The following PRKX variants were observed in gnomAD, a reference collection of about 807,000 sequenced individuals.
PRKX encodes cAMP-dependent protein kinase catalytic subunit PRKX.
A neutral mutation model predicts 22.0 loss-of-function variants in PRKX; 12 were observed. That is an observed-to-expected ratio of 0.54 (90% CI 0.35 to 0.88). The LOEUF is 0.88. Ranked by LOEUF, PRKX falls within the 40% of genes least tolerant of loss-of-function variation. PRKX has a pLI of 0.01. For synonymous variants in PRKX, 134 were observed against 137.7 expected, an observed-to-expected ratio of 0.97 and a Z score of 0.19; for missense variants, 217 against 308.0, an observed-to-expected ratio of 0.70 and a Z score of 2.21.
rs761643511 is a variant in PRKX, at chrX:3,615,011, AT to A, written c.951+803del. ...TATTATACATTGAAAAAAATGCCAG[AT>A]TTTTTTTTTTTTTTTTTTTTTTTTG... is the stretch of plus-strand genomic sequence containing the variant. On this transcript the variant is annotated intron_variant, in intron 7 of 8. Transcript: ENST00000262848. Among the ~76,000 whole-genome samples, 116 of 59,733 alleles carry A rather than the reference AT, an allele frequency of 1.9e-3. No individual in the cohort carries two copies. The Middle Eastern group carries it at 0.058, about 30-fold the overall frequency. The allele number at this position is 59,733 out of a possible 115,157, so 51.9% of individuals were successfully genotyped here. A position where few individuals can be genotyped will look rare whatever the true frequency, so the allele number is the denominator to read the frequency against.
intron 1 of PRKX, among the ~76,000 whole-genome samples, chrX:3,708,944 T>G (rs1449192160): frequency 3.7e-5 from 4 of 108,960 alleles, no homozygotes; most frequent in African/African-American, 1.3e-4. Context: ...AGCTGCCAAA[T>G]CCACACACTG....
chrX:3,710,882 A>G (rs1928775859), intron 1 of PRKX, among the ~76,000 whole-genome samples: 1 of 111,358 alleles, frequency 9.0e-6, no homozygotes, highest in Admixed American at 9.6e-5. Context: ...ACACCCACCC[A>G]GACTGGGTTT....
At chrX:3,681,432 G>T (rs1036468879) in intron 1 of PRKX, among the ~76,000 whole-genome samples, 1 of 108,973 alleles carries the variant, frequency 9.2e-6, no homozygotes, top group African/African-American at 3.3e-5. Context: ...TGGGAGGATC[G>T]CTTGAGCCCA....
chrX:3,640,327 G>A (rs1171422863), intron 4 of PRKX, among the ~76,000 whole-genome samples: 1 of 111,241 alleles, frequency 9.0e-6, no homozygotes, highest in Non-Finnish European at 1.9e-5. Flanking sequence ...CTTTCGTGCA[G>A]AGCCACATGG....
At chrX:3,689,728 A>T (rs1048163829) in intron 1 of PRKX, among the ~76,000 whole-genome samples, 2 of 111,916 alleles carry the variant, frequency 1.8e-5, no homozygotes, top group Admixed American at 1.9e-4. Context: ...CTGTAATCCC[A>T]ACACTTTGGG....
At chrX:3,675,531 C>T (rs1453213085) in intron 1 of PRKX, among the ~76,000 whole-genome samples, 1 of 110,293 alleles carries the variant, frequency 9.1e-6, no homozygotes, top group Non-Finnish European at 1.9e-5. Flanking sequence ...CCTCTACATC[C>T]TTTTCTTTTC....
chrX:3,609,615 T>C (rs1183048476), intron 8 of PRKX, among the ~76,000 whole-genome samples: 2 of 108,662 alleles, frequency 1.8e-5, no homozygotes, highest in African/African-American at 6.6e-5. Flanking sequence ...TCACTACGCC[T>C]GGCTAACTTT....
chrX:3,672,818 G>C (rs981103889), intron 2 of PRKX, among the ~76,000 whole-genome samples: 1 of 111,164 alleles, frequency 9.0e-6, no homozygotes, highest in Non-Finnish European at 1.9e-5. Context: ...AGGAGTTTGA[G>C]ACCAGCCTGG....
chrX:3,685,676 TTTG>T (rs1468036116), intron 1 of PRKX, among the ~76,000 whole-genome samples: 1 of 110,431 alleles, frequency 9.1e-6, no homozygotes, highest in Non-Finnish European at 1.9e-5. Flanking sequence ...AATGGGTGAT[TTTG>T]TTGTATGTAC....
chrX:3,655,791 T>C (rs1927468948), intron 2 of PRKX, among the ~76,000 whole-genome samples: 1 of 112,307 alleles, frequency 8.9e-6, no homozygotes, highest in Non-Finnish European at 1.9e-5. Context: ...TATGTAGTTA[T>C]AGATAGATGT....
chrX:3,700,580 T>C (rs1443899825), intron 1 of PRKX, among the ~76,000 whole-genome samples: 1 of 108,573 alleles, frequency 9.2e-6, no homozygotes, highest in African/African-American at 3.5e-5. Flanking sequence ...CTTTCTCTTT[T>C]TTCTTTTCTT....
chrX:3,655,451 G>A (rs1364722185), intron 2 of PRKX, 39 bp from the exon 3 acceptor site: 2 of 1,206,361 alleles, frequency 1.7e-6, no homozygotes, highest in African/African-American at 3.5e-5. Context: ...GCCCCGCCAA[G>A]GCAGGGCAGG....
intron 4 of PRKX, among the ~76,000 whole-genome samples, chrX:3,630,659 G>C (rs1439445620): frequency 8.9e-6 from 1 of 112,160 alleles, no homozygotes; most frequent in East Asian, 2.8e-4. Context: ...AGGCGAAGGG[G>C]AAGCAAGGCA....
intron 1 of PRKX, among the ~76,000 whole-genome samples, chrX:3,692,527 CTTTTTT>C (rs34719641): frequency 3.2e-5 from 3 of 94,088 alleles, no homozygotes; most frequent in Middle Eastern, 5.5e-3. Context: ...AGCAACTGAA[CTTTTTT>C]TTTTTTTTTT....
chrX:3,670,157 G>A (rs1193155470), intron 2 of PRKX: 1 of 123,925 alleles, frequency 8.1e-6, no homozygotes, highest in East Asian at 2.8e-4. Flanking sequence ...ATGGGAAGCA[G>A]ATGTTGAGCA....
intron 1 of PRKX, among the ~76,000 whole-genome samples, chrX:3,687,962 T>A (rs1313720019): frequency 1.3e-4 from 14 of 111,534 alleles, no homozygotes; most frequent in Non-Finnish European, 1.9e-5. Flanking sequence ...GAAAACCCCA[T>A]CTCTACTAAA....
intron 1 of PRKX, among the ~76,000 whole-genome samples, chrX:3,684,113 G>A (rs1348018179): frequency 9.0e-6 from 1 of 110,696 alleles, no homozygotes; most frequent in African/African-American, 3.3e-5. Flanking sequence ...TAGCCGGGTG[G>A]TAGTGGCGCG....
intron 1 of PRKX, among the ~76,000 whole-genome samples, chrX:3,706,767 C>T (rs1416193755): frequency 1.8e-5 from 2 of 112,135 alleles, no homozygotes; most frequent in Non-Finnish European, 3.8e-5. Context: ...GGGGAGGAGG[C>T]AGCGTGCTGC....
rs773828210 is a variant in PRKX at position 3,713,178 on chromosome X, C to T, written c.76G>A (p.Gly26Arg). ...GGGCTGGGGCAGAGCGCGGGCGCCCCGTCGGGGGTCTCCTCCGCCACCTTG... is the reference window on the plus strand; with the variant it reads ...GGGCTGGGGCAGAGCGCGGGCGCCCTGTCGGGGGTCTCCTCCGCCACCTTG... Reference protein sequence around the residue: ...SRKVAEETPDGAPALCPSPEA... With the variant: ...SRKVAEETPDRAPALCPSPEA... The change falls in exon 1 of 9, where the codon GGG (glycine) becomes AGG (arginine). Residue 26 changes from glycine (G) to arginine (R), a missense_variant. Gly to Arg is a moderately radical substitution (Grantham distance 125, BLOSUM62 -2). Transcript: ENST00000262848. The T allele has an allele frequency of 2.7e-6, 3 of 1,119,180 alleles. No individual in the cohort carries two copies. Among genetic ancestry groups the T allele is most frequent in the South Asian group, 2.1e-5 (1 of 48,430 alleles). The allele number at this position is 1,119,180 out of a possible 1,213,427, so 92.2% of individuals were successfully genotyped here.
Sources: allele counts gnomAD v4.1 joint callset (sites outside exome capture counted in the v4.1 genomes callset), GRCh38; gene constraint gnomAD v4.1.1; transcripts MANE v1.5; gene names NCBI Gene and HGNC (gene_info 2026-07-23, HGNC 2026-07-21).